The following TTC12 variants were observed in gnomAD, a reference collection of about 807,000 sequenced individuals.
The protein encoded by TTC12 is tetratricopeptide repeat protein 12.
A neutral mutation model predicts 90.1 loss-of-function variants in TTC12; 70 were observed. The observed-to-expected ratio is 0.78, with a 90% CI of 0.64 to 0.95. The LOEUF (loss-of-function observed/expected upper bound fraction) is 0.95, where lower values mean the gene tolerates loss of function less well. Ranked by LOEUF, TTC12 falls within the 40% of genes least tolerant of loss-of-function variation. The pLI, the probability that TTC12 is intolerant of heterozygous loss-of-function variation, is 0.00. For missense variants in TTC12, 819 were observed against 846.1 expected, an observed-to-expected ratio of 0.97 and a Z score of 0.40; for synonymous variants, 296 against 311.5, an observed-to-expected ratio of 0.95 and a Z score of 0.53.
At chr11:113,348,018 A>G (rs972074842) in intron 13 of TTC12, among the ~76,000 whole-genome samples, 1 of 152,018 alleles carries the variant, frequency 6.6e-6, no homozygotes, top group Non-Finnish European at 1.5e-5. Context: ...CCCCTATGCT[A>G]TCACCCTTCC....
chr11:113,341,670 G>C lies in TTC12; in HGVS notation c.897-167G>C, dbSNP rs1948696160. ...TCCTCAGTCTGCATCCGTGGCCTGGGACTCATGGTTCCGTGATTGATCCTG... is the reference window on the plus strand; with the variant it reads ...TCCTCAGTCTGCATCCGTGGCCTGGCACTCATGGTTCCGTGATTGATCCTG... On this transcript the variant is annotated intron_variant, in intron 11 of 21. Transcript: ENST00000529221. 6.4e-6 allele frequency: 4 copies of C among 624,102 alleles called. No individual in the cohort carries two copies. In the South Asian group the frequency reaches 7.1e-5, roughly 11 times the overall value. The allele number at this position is 624,102 out of a possible 1,614,324, so 38.7% of individuals were successfully genotyped here. A position where few individuals can be genotyped will look rare whatever the true frequency, so the allele number is the denominator to read the frequency against.
intron 1 of TTC12, 185 bp from the exon 2 acceptor site, chr11:113,316,058 A>G (rs1946920262): frequency 5.1e-6 from 2 of 389,042 alleles, no homozygotes; most frequent in Admixed American, 4.5e-5. Context: ...CCGCACGTAA[A>G]TGAGTGCCTC....
At chr11:113,328,856 G>A (rs1332353010) in intron 6 of TTC12, among the ~76,000 whole-genome samples, 1 of 151,984 alleles carries the variant, frequency 6.6e-6, no homozygotes. Context: ...GTCTGTTCTG[G>A]ACATTTTATA....
At chr11:113,369,332 G>A (rs1950314824), downstream of TTC12, among the ~76,000 whole-genome samples, 1 of 151,938 alleles carries the variant, frequency 6.6e-6, no homozygotes, top group African/African-American at 2.4e-5. Flanking sequence ...TGTTGACCAG[G>A]CTGGTCTCGA....
At chr11:113,353,341 A>G (rs965614353) in intron 16 of TTC12, among the ~76,000 whole-genome samples, 1 of 151,948 alleles carries the variant, frequency 6.6e-6, no homozygotes, top group Non-Finnish European at 1.5e-5. Context: ...AAATTTTTTT[A>G]AGTTCTTTAT....
chr11:113,363,682 C>T, intron 19 of TTC12, 146 bp from the exon 20 acceptor site: 1 of 611,274 alleles, frequency 1.6e-6, no homozygotes. Flanking sequence ...CATGCCTGCC[C>T]ACCAGGAAGC....
intron 7 of TTC12, 99 bp downstream of exon 7, chr11:113,330,078 GC>G: frequency 1.1e-6 from 1 of 921,348 alleles, no homozygotes; most frequent in Non-Finnish European, 1.8e-6. Flanking sequence ...AGCCTCTGTA[GC>G]CAGAGCTTCA....
downstream of TTC12, among the ~76,000 whole-genome samples, chr11:113,367,442 G>A (rs560353759): frequency 9.2e-5 from 14 of 152,282 alleles, no homozygotes; most frequent in African/African-American, 1.4e-4. Context: ...AAAGTACTAC[G>A]CAAATATAAG....
At chr11:113,351,077 A>G (rs946688173) in intron 14 of TTC12, among the ~76,000 whole-genome samples, 162 bp from the exon 15 acceptor site, 1 of 152,236 alleles carries the variant, frequency 6.6e-6, no homozygotes, top group Non-Finnish European at 1.5e-5. Context: ...GCCACATTAC[A>G]TACACAGTGA....
intron 16 of TTC12, among the ~76,000 whole-genome samples, chr11:113,355,592 G>C (rs1462095067): frequency 6.6e-6 from 1 of 151,982 alleles, no homozygotes; most frequent in African/African-American, 2.4e-5. Context: ...AGAAATATCT[G>C]TTAGGGCATT....
At chr11:113,319,309 G>T (rs563981372) in intron 2 of TTC12, among the ~76,000 whole-genome samples, 1 of 152,296 alleles carries the variant, frequency 6.6e-6, no homozygotes, top group African/African-American at 2.4e-5. Flanking sequence ...TAAGGAAAGG[G>T]TGAGAAATTG....
intron 16 of TTC12, among the ~76,000 whole-genome samples, chr11:113,354,464 C>A (rs1437416486): frequency 6.6e-6 from 1 of 152,092 alleles, no homozygotes; most frequent in African/African-American, 2.4e-5. Context: ...TTCTCTCTTG[C>A]CTGATTGCCA....
chr11:113,364,887 C>T lies in TTC12; in HGVS notation c.1869C>T (p.Gly623=). 2 of 1,614,186 alleles carry T rather than the reference C, an allele frequency of 1.2e-6. No individual in the cohort carries two copies. Among genetic ancestry groups the T allele is most frequent in the African/African-American group, 1.3e-5 (1 of 75,028 alleles). Residue 623 remains glycine (G), a synonymous_variant, in exon 21 of 22, where the codon GGC becomes GGT. Transcript: ENST00000529221. ...GCTCGGAGGATGAGGTTCTGGTGGG[C>T]AACGCTGCCCTCTGCCTTGGTAACT... is the stretch of plus-strand genomic sequence containing the variant. ...LLSSEDEVLV[G]NAALCLGNCM...
chr11:113,364,867 G>A lies in TTC12; in HGVS notation c.1849G>A (p.Glu617Lys), dbSNP rs780417815. 1 of 1,614,080 alleles carries A rather than the reference G, an allele frequency of 6.2e-7. No individual in the cohort carries two copies. Among genetic ancestry groups the A allele is most frequent in the Non-Finnish European group, 8.5e-7 (1 of 1,180,042 alleles). The change falls in exon 21 of 22, where the codon GAG becomes AAG. Residue 617 changes from glutamate (E) to lysine (K), a missense_variant. Coordinates refer to ENST00000529221, the MANE Select transcript of TTC12 (RefSeq NM_017868.4). ...CGTTATGATGAAGCTGCTCAGCTCG[G>A]AGGATGAGGTTCTGGTGGGCAACGC... ...LSVMMKLLSS[E>K]DEVLVGNAAL...
At chr11:113,334,500 C>A (rs1000416155) in intron 7 of TTC12, among the ~76,000 whole-genome samples, 4 of 152,074 alleles carry the variant, frequency 2.6e-5, no homozygotes, top group Non-Finnish European at 5.9e-5. Context: ...AGAGTAAGTT[C>A]TCTTCTCTTC....
chr11:113,348,008 C>G (rs1555148699), intron 13 of TTC12, among the ~76,000 whole-genome samples: 2 of 152,140 alleles, frequency 1.3e-5, no homozygotes, highest in Non-Finnish European at 2.9e-5. Context: ...TTTGCAAGCC[C>G]CCCTATGCTA....
intron 19 of TTC12, among the ~76,000 whole-genome samples, chr11:113,363,396 A>C (rs1188150878): frequency 6.6e-6 from 1 of 152,234 alleles, no homozygotes; most frequent in East Asian, 1.9e-4. Flanking sequence ...GTCATCTCTT[A>C]AAATGATGTA....
chr11:113,366,247 C>T lies in TTC12; in HGVS notation c.2065C>T (p.Leu689Phe), dbSNP rs769450707. 5 of 1,613,486 alleles carry T rather than the reference C, an allele frequency of 3.1e-6. No homozygotes were observed. The highest frequency in any genetic ancestry group is 2.2e-5 in the East Asian group (1 of 44,898). ...CAGATTTGCTGCTCAACTGAGAAAGCTTCATGGCCTAGAAATTCTCAACTC... is the reference window on the plus strand; with the variant it reads ...CAGATTTGCTGCTCAACTGAGAAAGTTTCATGGCCTAGAAATTCTCAACTC... ...EPRFAAQLRK[L>F]HGLEILNSTM... The change falls in exon 22 of 22, where the codon CTT (leucine) becomes TTT (phenylalanine). Residue 689 changes from leucine to phenylalanine, a missense_variant. Physicochemically the swap from Leu to Phe is conservative, Grantham distance 22 (BLOSUM62 0). Transcript: ENST00000529221.
intron 2 of TTC12, among the ~76,000 whole-genome samples, chr11:113,322,624 T>C (rs1179046657): frequency 6.6e-6 from 1 of 152,202 alleles, no homozygotes; most frequent in Non-Finnish European, 1.5e-5. Context: ...TGGGCATCAC[T>C]GAAGGTCCAG....
Sources: allele counts gnomAD v4.1 joint callset (sites outside exome capture counted in the v4.1 genomes callset), GRCh38; gene constraint gnomAD v4.1.1; transcripts MANE v1.5; gene names NCBI Gene and HGNC (gene_info 2026-07-23, HGNC 2026-07-21).